Variants in CAST observed in about 807,000 individuals in gnomAD.
CAST encodes the protein MIR583 host.
CAST carries 76 observed loss-of-function variants against 119.6 expected under a neutral mutation model. The ratio of observed to expected loss-of-function variants is 0.64; its 90% CI spans 0.53 to 0.77. CAST has a LOEUF of 0.77. Ranked by LOEUF, CAST falls within the 30% of genes least tolerant of loss-of-function variation. The pLI is 0.00. For synonymous variants in CAST, 319 were observed against 331.6 expected, an observed-to-expected ratio of 0.96 and a Z score of 0.41; for missense variants, 953 against 946.5, an observed-to-expected ratio of 1.01 and a Z score of -0.09.
At chr5:96,215,617 T>G in the CAST span, 1 of 152,118 alleles carries the variant, frequency 6.6e-6, no homozygotes, top group African/African-American at 2.4e-5. Context: ...CAAATATGCC[T>G]GTCTCTCCTA....
the CAST span, among the ~76,000 whole-genome samples, chr5:96,107,568 T>C: frequency 6.6e-6 from 1 of 152,204 alleles, no homozygotes; most frequent in African/African-American, 2.4e-5. Context: ...CTCTTCTGGC[T>C]TGTAGAGTTT....
At chr5:96,053,476 G>A in the CAST span, among the ~76,000 whole-genome samples, 1 of 152,060 alleles carries the variant, frequency 6.6e-6, no homozygotes, top group East Asian at 1.9e-4. Flanking sequence ...GATAGACTTT[G>A]GAATAATTAC....
upstream of CAST, among the ~76,000 whole-genome samples, chr5:96,658,768 T>C (rs1748199751): frequency 6.6e-6 from 1 of 152,198 alleles, no homozygotes; most frequent in African/African-American, 2.4e-5. Context: ...AGCTTTATCA[T>C]CCACAGGTAA....
chr5:96,085,328 G>A, the CAST span, among the ~76,000 whole-genome samples: 4 of 152,190 alleles, frequency 2.6e-5, no homozygotes, highest in African/African-American at 4.8e-5. Context: ...ACAACACAGT[G>A]TGAATAATAC....
chr5:96,051,654 A>C, the CAST span, among the ~76,000 whole-genome samples: 699 of 152,256 alleles, frequency 4.6e-3, no homozygotes, highest in Non-Finnish European at 7.2e-3. Flanking sequence ...GAGACCGTCA[A>C]TGACTCCTGT....
chr5:96,458,824 A>G, the CAST span, among the ~76,000 whole-genome samples: 151 of 152,184 alleles, frequency 9.9e-4, no homozygotes, highest in African/African-American at 3.5e-3. Context: ...AGGTTCCCCA[A>G]CTTTCGCACA....
chr5:96,683,440 G>C (rs922445179), intron 2 of CAST, among the ~76,000 whole-genome samples: 4 of 152,214 alleles, frequency 2.6e-5, no homozygotes, highest in African/African-American at 9.6e-5. Flanking sequence ...CATAATGACA[G>C]TGTTCAGCTT....
At chr5:96,330,194 GTTTTTTAAAAAACCATTTAA>G in the CAST span, among the ~76,000 whole-genome samples, 1 of 152,144 alleles carries the variant, frequency 6.6e-6, no homozygotes, top group Non-Finnish European at 1.5e-5. Context: ...TAAAAAGATG[GTTTTTTAAAAAACCATTTAA>G]AAAGACCATT....
chr5:96,004,894 A>G, the CAST span, among the ~76,000 whole-genome samples: 1 of 152,152 alleles, frequency 6.6e-6, no homozygotes, highest in Non-Finnish European at 1.5e-5. Context: ...AAAAAATCTC[A>G]GCTCCCTAGG....
At chr5:96,612,449 C>A (rs960862007) in intron 1 of CAST, among the ~76,000 whole-genome samples, 1 of 152,048 alleles carries the variant, frequency 6.6e-6, no homozygotes, top group African/African-American at 2.4e-5. Flanking sequence ...GGAAAGAGAG[C>A]AAGAGTTGAA....
the CAST span, among the ~76,000 whole-genome samples, chr5:96,082,819 A>G: frequency 6.6e-6 from 1 of 152,060 alleles, no homozygotes; most frequent in East Asian, 1.9e-4. Flanking sequence ...TGCTCTCTGT[A>G]GAAAAAAATT....
chr5:96,488,888 T>C, the CAST span, among the ~76,000 whole-genome samples: 1 of 152,204 alleles, frequency 6.6e-6, no homozygotes, highest in Non-Finnish European at 1.5e-5. Flanking sequence ...GAGGCTCAAC[T>C]CTACTAAAAT....
the CAST span, among the ~76,000 whole-genome samples, chr5:96,190,695 C>A: frequency 6.6e-6 from 1 of 152,180 alleles, no homozygotes; most frequent in South Asian, 2.1e-4. Flanking sequence ...GCAGTGTAAT[C>A]CTTCATAGGT....
the CAST span, among the ~76,000 whole-genome samples, chr5:96,465,022 T>C: frequency 6.6e-6 from 1 of 152,122 alleles, no homozygotes; most frequent in Non-Finnish European, 1.5e-5. Flanking sequence ...CTTTATAGTA[T>C]TGAGTCTTCT....
At chr5:96,223,316 T>C in the CAST span, among the ~76,000 whole-genome samples, 65 of 152,276 alleles carry the variant, frequency 4.3e-4, no homozygotes, top group Admixed American at 1.6e-3. Flanking sequence ...TTCAAGGTGA[T>C]GTATTAAATA....
intron 24 of CAST, among the ~76,000 whole-genome samples, chr5:96,759,584 A>G (rs1001679608): frequency 2.0e-5 from 3 of 152,128 alleles, no homozygotes; most frequent in Non-Finnish European, 4.4e-5. Flanking sequence ...CACCAAAAAC[A>G]AAGTAGCAAT....
intron 1 of CAST, among the ~76,000 whole-genome samples, chr5:96,603,274 T>G (rs140202966): frequency 4.3e-4 from 65 of 152,336 alleles, no homozygotes; most frequent in African/African-American, 1.5e-3. Context: ...AGAGGACAAA[T>G]GTTTTAAAGA....
the CAST span, among the ~76,000 whole-genome samples, chr5:96,366,288 A>G: frequency 1.3e-5 from 2 of 152,092 alleles, no homozygotes; most frequent in Non-Finnish European, 2.9e-5. Context: ...ACTTTGGCAA[A>G]TCTGACGATT....
intron 2 of CAST, among the ~76,000 whole-genome samples, chr5:96,678,117 T>C (rs892458281): frequency 3.9e-5 from 6 of 152,192 alleles, no homozygotes; most frequent in Non-Finnish European, 7.4e-5. Context: ...CTGCCTACCA[T>C]CCATAGTTTG....
Sources: gnomAD v4.1 joint callset for allele counts (sites outside exome capture counted in the v4.1 genomes callset) on GRCh38, gnomAD v4.1.1 for gene constraint, MANE v1.5 for transcripts, NCBI Gene and HGNC (gene_info 2026-07-23, HGNC 2026-07-21) for gene names.